The following ASTN2 variants were observed in gnomAD, a reference collection of about 807,000 sequenced individuals.
The protein encoded by ASTN2 is astrotactin 2, also known as astrotactin-2.
In ASTN2, 54 loss-of-function variants were observed where a neutral mutation model predicts 139.8. That is an observed-to-expected ratio of 0.39 (90% confidence interval 0.31 to 0.48). ASTN2 has a LOEUF of 0.48. Ranked by LOEUF, ASTN2 falls within the 20% of genes least tolerant of loss-of-function variation. The pLI is 0.95. For synonymous variants in ASTN2, 756 were observed against 719.5 expected (o/e 1.05, Z -0.81); for missense variants, 1,565 against 1,725.1 (o/e 0.91, Z 1.64).
At chr9:116,619,935 G>A (rs768361012) in intron 18 of ASTN2, among the ~76,000 whole-genome samples, 2 of 151,880 alleles carry the variant, frequency 1.3e-5, no homozygotes, top group Non-Finnish European at 1.5e-5. Context: ...ATCTTGTTTC[G>A]TAGAAGAGGT....
intron 3 of ASTN2, among the ~76,000 whole-genome samples, chr9:117,153,775 G>A (rs1391319227): frequency 6.6e-6 from 1 of 152,106 alleles, no homozygotes; most frequent in South Asian, 2.1e-4. Context: ...ACAATCACCT[G>A]AAACTAGAGG....
At chr9:116,909,354 C>T (rs949531188) in intron 10 of ASTN2, among the ~76,000 whole-genome samples, 8 of 152,124 alleles carry the variant, frequency 5.3e-5, no homozygotes, top group Non-Finnish European at 1.0e-4. Context: ...CAAGTTGGAG[C>T]TGACAGGATA....
intron 10 of ASTN2, among the ~76,000 whole-genome samples, chr9:116,948,793 T>TTTTTGTTTTTTTTTTTTG (rs1564355618): frequency 6.0e-5 from 7 of 117,552 alleles, no homozygotes; most frequent in South Asian, 6.0e-4. Flanking sequence ...GTGTTTTTTT[T>TTTTTGTTTTTTTTTTTTG]TTTTTTTTTT....
chr9:116,672,610 T>A (rs544329556), intron 16 of ASTN2, among the ~76,000 whole-genome samples: 1 of 152,212 alleles, frequency 6.6e-6, no homozygotes, highest in Non-Finnish European at 1.5e-5. Flanking sequence ...TGGTGCCTTT[T>A]GGATTTATTA....
intron 22 of ASTN2, among the ~76,000 whole-genome samples, chr9:116,427,692 T>C (rs1847352908): frequency 6.6e-6 from 1 of 152,270 alleles, no homozygotes; most frequent in Admixed American, 6.5e-5. Flanking sequence ...GTATACATTT[T>C]GTGGGCACAA....
At chr9:116,678,924 T>C (rs1413182142) in intron 16 of ASTN2, among the ~76,000 whole-genome samples, 1 of 152,206 alleles carries the variant, frequency 6.6e-6, no homozygotes, top group Non-Finnish European at 1.5e-5. Flanking sequence ...GATGCACTAA[T>C]GCAAACATGA....
intron 10 of ASTN2, among the ~76,000 whole-genome samples, chr9:116,924,541 G>A (rs575229761): frequency 1.3e-5 from 2 of 152,182 alleles, no homozygotes; most frequent in East Asian, 3.9e-4. Flanking sequence ...CTAAACAAAG[G>A]GTAGGTTATT....
intron 2 of ASTN2, among the ~76,000 whole-genome samples, chr9:117,248,971 A>G (rs1833462080): frequency 1.3e-5 from 2 of 152,244 alleles, no homozygotes; most frequent in South Asian, 4.1e-4. Context: ...CCACATATGT[A>G]CAATGGGATG....
intron 2 of ASTN2, among the ~76,000 whole-genome samples, chr9:117,252,182 G>T (rs1335877110): frequency 6.6e-6 from 1 of 152,220 alleles, no homozygotes; most frequent in African/African-American, 2.4e-5. Flanking sequence ...AAAGAGGCCA[G>T]TTTCTCTGAG....
At chr9:116,646,109 A>C (rs1857575885) in intron 17 of ASTN2, among the ~76,000 whole-genome samples, 1 of 152,192 alleles carries the variant, frequency 6.6e-6, no homozygotes, top group Non-Finnish European at 1.5e-5. Flanking sequence ...ATTCAGCATC[A>C]CATAGTGAAT....
intron 5 of ASTN2, among the ~76,000 whole-genome samples, chr9:117,071,316 G>A (rs1370533263): frequency 4.0e-5 from 6 of 151,826 alleles, no homozygotes; most frequent in Non-Finnish European, 8.8e-5. Context: ...TCCCAGTTAG[G>A]CTGCTCGGGG....
At chr9:116,664,909 T>A (rs1858772522) in intron 16 of ASTN2, among the ~76,000 whole-genome samples, 1 of 152,126 alleles carries the variant, frequency 6.6e-6, no homozygotes, top group Non-Finnish European at 1.5e-5. Context: ...TAATCCCCAG[T>A]GTTGGAGGTG....
At chr9:117,066,081 A>C (rs1827930177) in intron 5 of ASTN2, among the ~76,000 whole-genome samples, 1 of 147,248 alleles carries the variant, frequency 6.8e-6, no homozygotes, top group East Asian at 2.1e-4. Context: ...GGTTAGTTAC[A>C]TATGTATACA....
intron 3 of ASTN2, among the ~76,000 whole-genome samples, chr9:117,155,623 A>G (rs1481312156): frequency 6.6e-6 from 1 of 152,054 alleles, no homozygotes; most frequent in Non-Finnish European, 1.5e-5. Flanking sequence ...CACTGTTCTG[A>G]TAAGGGTTAC....
intron 1 of ASTN2, among the ~76,000 whole-genome samples, chr9:117,308,574 A>C (rs983905949): frequency 1.3e-5 from 2 of 152,010 alleles, no homozygotes; most frequent in African/African-American, 4.8e-5. Flanking sequence ...CAGGAGTTTC[A>C]CTCCCTGGAA....
intron 2 of ASTN2, among the ~76,000 whole-genome samples, chr9:117,248,096 C>T (rs533906063): frequency 1.6e-4 from 25 of 152,298 alleles, no homozygotes; most frequent in African/African-American, 2.4e-4. Flanking sequence ...TGTCAGTCAA[C>T]GCCCCAGCCT....
intron 17 of ASTN2, among the ~76,000 whole-genome samples, chr9:116,648,105 G>A (rs1857699610): frequency 6.6e-6 from 1 of 151,698 alleles, no homozygotes; most frequent in South Asian, 2.1e-4. Context: ...GGGTTCAAGC[G>A]ATTCTCCTGC....
chr9:117,298,714 G>A (rs1834801531), intron 1 of ASTN2, among the ~76,000 whole-genome samples: 1 of 142,824 alleles, frequency 7.0e-6, no homozygotes. Context: ...GTGTGTGTGT[G>A]TGTGTGTGTG....
chr9:117,008,601 T>C (rs1350344931), intron 6 of ASTN2, among the ~76,000 whole-genome samples: 2 of 152,134 alleles, frequency 1.3e-5, no homozygotes, highest in African/African-American at 2.4e-5. Flanking sequence ...AGAATATTAA[T>C]GGAATGTACC....
Sources: gnomAD v4.1 joint callset for allele counts (sites outside exome capture counted in the v4.1 genomes callset) on GRCh38, gnomAD v4.1.1 for gene constraint, MANE v1.5 for transcripts, NCBI Gene and HGNC (gene_info 2026-07-23, HGNC 2026-07-21) for gene names.